The following TPTE2 variants were observed in gnomAD, a reference collection of about 807,000 sequenced individuals.
The protein encoded by TPTE2 is phosphatidylinositol 3,4,5-trisphosphate 3-phosphatase TPTE2.
TPTE2 carries 53 observed loss-of-function variants against 78.6 expected under a neutral mutation model. That is an observed-to-expected ratio of 0.67 (90% confidence interval 0.54 to 0.85). The LOEUF (loss-of-function observed/expected upper bound fraction) is 0.85. TPTE2 is among the 40% of genes least tolerant of loss of function. The pLI, the probability that TPTE2 is intolerant of heterozygous loss-of-function variation, is 0.00. For missense variants in TPTE2, 461 were observed against 623.0 expected (o/e 0.74, Z 2.77); for synonymous variants, 175 against 206.2 (o/e 0.85, Z 1.30).
In TPTE2 at chr13:19,432,722, C is replaced by T. The variant is rs1876762228; in HGVS notation, c.1117-144G>A. ...TACTGGATGCCATTATATAACTGGA[C>T]ATTTTTAGGGATGCTGCCCCACAAC... is the stretch of plus-strand genomic sequence containing the variant. On this transcript the variant is annotated intron_variant, in intron 15 of 19. Coordinates refer to ENST00000400230, the Ensembl canonical transcript of TPTE2. 3 of 448,360 alleles carry T rather than the reference C, an allele frequency of 6.7e-6. 1 individual carries two copies. The highest frequency in any genetic ancestry group is 5.3e-5 in the South Asian group (2 of 37,526). The allele number at this position is 448,360 out of a possible 1,614,324, so 27.8% of individuals were successfully genotyped here. A position where few individuals can be genotyped will look rare whatever the true frequency, so the allele number is the denominator to read the frequency against.
At chr13:19,449,624 T>C (rs1421961995) in intron 13 of TPTE2, among the ~76,000 whole-genome samples, 2 of 152,202 alleles carry the variant, frequency 1.3e-5, no homozygotes, top group African/African-American at 2.4e-5. Flanking sequence ...TAGCTTGATT[T>C]AGCCATTTCA....
chr13:19,476,116 A>G (rs1453210829), intron 4 of TPTE2, among the ~76,000 whole-genome samples: 1 of 152,180 alleles, frequency 6.6e-6, no homozygotes, highest in Non-Finnish European at 1.5e-5. Context: ...ACAGATACAC[A>G]TGAGCAAGAG....
intron 2 of TPTE2, 130 bp downstream of exon 5, chr13:19,493,318 T>TGGAA: frequency 2.3e-6 from 1 of 437,004 alleles, no homozygotes; most frequent in Non-Finnish European, 3.8e-6. Flanking sequence ...AAGAGAAGTG[T>TGGAA]GGATGGATGG....
chr13:19,473,504 G>C (rs1468109547), intron 6 of TPTE2, among the ~76,000 whole-genome samples: 2 of 152,128 alleles, frequency 1.3e-5, no homozygotes, highest in African/African-American at 4.8e-5. Flanking sequence ...CAGGCCATGG[G>C]GGGTACTGCC....
At chr13:19,487,104 T>A (rs1880706615) in intron 3 of TPTE2, among the ~76,000 whole-genome samples, 1 of 152,184 alleles carries the variant, frequency 6.6e-6, no homozygotes, top group Admixed American at 6.5e-5. Context: ...GCTGCTTAGT[T>A]GGCCTGGGAG....
At chr13:19,446,500 C>A (rs1362950043) in intron 13 of TPTE2, among the ~76,000 whole-genome samples, 2 of 151,954 alleles carry the variant, frequency 1.3e-5, no homozygotes, top group Non-Finnish European at 2.9e-5. Context: ...GATTAAAGAC[C>A]CAAATACTAA....
At chr13:19,514,592 A>AGAGTGTGTGTGTGTGT (rs542178212) in intron 1 of TPTE2, among the ~76,000 whole-genome samples, 16 of 126,710 alleles carry the variant, frequency 1.3e-4, no homozygotes, top group Admixed American at 8.7e-4. Flanking sequence ...TACTTCTGAG[A>AGAGTGTGTGTGTGTGT]GTGTGTGTGT....
At chr13:19,500,019 C>T (rs1350528157) in intron 1 of TPTE2, among the ~76,000 whole-genome samples, 1 of 148,732 alleles carries the variant, frequency 6.7e-6, no homozygotes, top group Non-Finnish European at 1.5e-5. Flanking sequence ...ATACTACAAA[C>T]ACCTCTACGC....
Position 19,492,611 on chromosome 13 carries a change from G to C in TPTE2, c.119+239C>G, listed in dbSNP as rs1052422560. On this transcript the variant is annotated intron_variant, in intron 3 of 19. Coordinates refer to ENST00000400230, the Ensembl canonical transcript of TPTE2. The stretch of plus-strand genomic sequence containing the variant: ...TGCAAATGCTACAATGAGAAGAATT[G>C]GAAACCTTGTTAAAAAATACTCTGT... Among the ~76,000 whole-genome samples, 181 of 152,256 alleles carry C rather than the reference G, an allele frequency of 1.2e-3. 1 individual carries two copies. Among genetic ancestry groups the C allele is most frequent in the Non-Finnish European group, 1.1e-3 (78 of 68,016 alleles).
chr13:19,459,836 A>C (rs1386189344), intron 10 of TPTE2, among the ~76,000 whole-genome samples: 5 of 152,124 alleles, frequency 3.3e-5, no homozygotes, highest in Non-Finnish European at 5.9e-5. Context: ...TATTCTCCAT[A>C]GCTGGCAGGC....
chr13:19,484,695 A>G (rs1444962450), intron 3 of TPTE2, among the ~76,000 whole-genome samples: 5 of 152,104 alleles, frequency 3.3e-5, no homozygotes, highest in Admixed American at 3.3e-4. Flanking sequence ...TTACAATTAT[A>G]TTTCTTGCTG....
chr13:19,516,473 T>G (rs985148032), intron 1 of TPTE2, among the ~76,000 whole-genome samples: 5 of 152,204 alleles, frequency 3.3e-5, no homozygotes, highest in African/African-American at 1.2e-4. Flanking sequence ...TTATCCTGTT[T>G]ATGCAAGGGT....
chr13:19,425,481 A>T (rs1337522642), intron 18 of TPTE2, among the ~76,000 whole-genome samples: 5 of 152,112 alleles, frequency 3.3e-5, no homozygotes, highest in Non-Finnish European at 5.9e-5. Flanking sequence ...CAGTTTCTCC[A>T]TGTGACTGAT....
chr13:19,453,538 C>CATATATATATAT (rs56140648), intron 10 of TPTE2, among the ~76,000 whole-genome samples: 3,418 of 139,626 alleles, frequency 0.024, 92 homozygotes, highest in African/African-American at 0.052. Context: ...ATTTTATAAT[C>CATATATATATAT]ATATATATAT....
intron 1 of TPTE2, among the ~76,000 whole-genome samples, chr13:19,512,544 A>C (rs1869518502): frequency 6.6e-6 from 1 of 151,930 alleles, no homozygotes; most frequent in Non-Finnish European, 1.5e-5. Flanking sequence ...AGTAAACTTC[A>C]AATCTGCAAG....
the TPTE2 span, among the ~76,000 whole-genome samples, chr13:19,549,541 T>C: frequency 6.6e-6 from 1 of 151,594 alleles, no homozygotes; most frequent in African/African-American, 2.4e-5. Context: ...GGAATGCTTA[T>C]ACACTGTTGG....
the TPTE2 span, among the ~76,000 whole-genome samples, chr13:19,545,149 C>T: frequency 6.6e-6 from 1 of 151,922 alleles, no homozygotes; most frequent in Admixed American, 6.6e-5. Flanking sequence ...ATGAAAAGTG[C>T]ACAAATGAGT....
chr13:19,511,475 T>A (rs1869438632), intron 1 of TPTE2, among the ~76,000 whole-genome samples: 1 of 152,212 alleles, frequency 6.6e-6, no homozygotes, highest in South Asian at 2.1e-4. Flanking sequence ...TATGTCAATA[T>A]GTATATCTGT....
At chr13:19,449,091 T>C (rs1425909512) in intron 13 of TPTE2, among the ~76,000 whole-genome samples, 9 of 151,802 alleles carry the variant, frequency 5.9e-5, no homozygotes, top group South Asian at 2.1e-4. Context: ...GTCAAATTCA[T>C]AGAAGCAGAG....
Sources: allele counts gnomAD v4.1 joint callset (sites outside exome capture counted in the v4.1 genomes callset), GRCh38; gene constraint gnomAD v4.1.1; transcripts MANE v1.5; gene names NCBI Gene and HGNC (gene_info 2026-07-23, HGNC 2026-07-21).